The following XYLT1 variants were observed in gnomAD, a reference collection of about 807,000 sequenced individuals.
XYLT1 encodes the protein xylosyltransferase 1.
A neutral mutation model predicts 91.3 loss-of-function variants in XYLT1; 36 were observed. That is an observed-to-expected ratio of 0.39 (90% confidence interval 0.30 to 0.52). The LOEUF is 0.52. Among genes scored for constraint, XYLT1 ranks in the 20% least tolerant of loss-of-function variants. The pLI, the probability that XYLT1 is intolerant of heterozygous loss-of-function variation, is 0.68. For synonymous variants in XYLT1, 588 were observed against 532.0 expected (o/e 1.11, Z -1.45); for missense variants, 1,242 against 1,284.5 (o/e 0.97, Z 0.51).
At chr16:17,429,876 G>A (rs1392592344) in intron 1 of XYLT1, among the ~76,000 whole-genome samples, 1 of 151,736 alleles carries the variant, frequency 6.6e-6, no homozygotes. Context: ...AGCTTGCAGA[G>A]AGTAGCTGCA....
chr16:17,319,707 C>T (rs1364409720), intron 2 of XYLT1, among the ~76,000 whole-genome samples: 1 of 152,164 alleles, frequency 6.6e-6, no homozygotes, highest in Non-Finnish European at 1.5e-5. Flanking sequence ...TCCCAAAGTG[C>T]TGGGATTACA....
intron 2 of XYLT1, among the ~76,000 whole-genome samples, chr16:17,315,081 C>T (rs960125243): frequency 2.0e-5 from 3 of 152,170 alleles, no homozygotes; most frequent in African/African-American, 7.2e-5. Context: ...GGGAGCTATG[C>T]TGGGGATGGC....
chr16:17,270,049 G>A (rs1014956515), intron 2 of XYLT1, among the ~76,000 whole-genome samples: 7 of 152,010 alleles, frequency 4.6e-5, no homozygotes, highest in East Asian at 1.9e-4. Flanking sequence ...TCCTGACCTC[G>A]TGATCCACCT....
At chr16:17,244,608 C>T (rs73523157) in intron 3 of XYLT1, among the ~76,000 whole-genome samples, 5,484 of 152,262 alleles carry the variant, frequency 0.036, 322 homozygotes, top group African/African-American at 0.12. Flanking sequence ...AACTCAGGAT[C>T]CCCAAGAGAA....
chr16:17,197,037 A>ATATATATATATATATATATATATATC (rs2032442509), intron 5 of XYLT1, among the ~76,000 whole-genome samples: 1 of 140,656 alleles, frequency 7.1e-6, no homozygotes. Context: ...ATATAGATAT[A>ATATATATATATATATATATATATATC]TATACCGTTC....
At chr16:17,396,468 TG>T (rs1480201842) in intron 1 of XYLT1, among the ~76,000 whole-genome samples, 1 of 152,316 alleles carries the variant, frequency 6.6e-6, no homozygotes, top group African/African-American at 2.4e-5. Flanking sequence ...ATGAAGGGGT[TG>T]GAACAGCTCC....
rs756210 is a variant in XYLT1 at position 17,118,448 on chromosome 16, T to C, written c.2224-469A>G. Among the ~76,000 whole-genome samples the C allele has an allele frequency of 4.5e-4, 68 of 152,236 alleles. No individual in the cohort carries two copies. In the East Asian group the frequency reaches 0.012, roughly 26 times the overall value. On this transcript the variant is annotated intron_variant, in intron 10 of 11. Coordinates refer to ENST00000261381, the MANE Select transcript of XYLT1 (RefSeq NM_022166.4). ...GTTCTGAACAAGAATAGAGATCATG[T>C]TTTTACAGCTGCTCTATCATAAGCT... is the stretch of plus-strand genomic sequence containing the variant.
At chr16:17,338,222 C>T (rs62030299) in intron 2 of XYLT1, 39,311 of 456,444 alleles carry the variant, frequency 0.086, 1,882 homozygotes, top group Non-Finnish European at 0.11. Flanking sequence ...CCATTCCCCA[C>T]GAAGCAGCCA....
intron 2 of XYLT1, among the ~76,000 whole-genome samples, chr16:17,264,564 T>G (rs16968661): frequency 0.018 from 2,777 of 152,314 alleles, 96 homozygotes; most frequent in Admixed American, 0.1. Flanking sequence ...GTCCTTTCTG[T>G]GGAGACTCAA....
At chr16:17,219,762 C>G (rs746487770) in intron 3 of XYLT1, among the ~76,000 whole-genome samples, 4 of 152,170 alleles carry the variant, frequency 2.6e-5, no homozygotes, top group Non-Finnish European at 5.9e-5. Context: ...TGTGCAGTGG[C>G]TCACGCCTGT....
intron 1 of XYLT1, among the ~76,000 whole-genome samples, chr16:17,410,244 C>T (rs907605188): frequency 2.6e-5 from 4 of 152,130 alleles, no homozygotes; most frequent in Admixed American, 6.6e-5. Context: ...GAGAGAAAAG[C>T]GGGTACATTA....
At chr16:17,317,657 A>G (rs1400352928) in intron 2 of XYLT1, among the ~76,000 whole-genome samples, 1 of 138,732 alleles carries the variant, frequency 7.2e-6, no homozygotes, top group Non-Finnish European at 1.6e-5. Context: ...AAAAAAAAAA[A>G]AGGCATCAGG....
At position 17,245,942 on chromosome 16, in the gene XYLT1, G is replaced by A. The variant is rs573008304; in HGVS notation, c.913+13046C>T. Among the ~76,000 whole-genome samples the A allele has an allele frequency of 3.2e-4, 48 of 152,286 alleles. 1 individual carries two copies. In the South Asian group the frequency reaches 1.0e-2, roughly 32 times the overall value. ...CGTCTTGGATGGGATTGGCGCCCCC[G>A]CCTCCAAAAGCAGGTGAATTATCTG... is the stretch of plus-strand genomic sequence containing the variant. On this transcript the variant is annotated intron_variant, in intron 3 of 11. Coordinates refer to ENST00000261381, the MANE Select transcript of XYLT1 (RefSeq NM_022166.4).
At chr16:17,287,378 C>T (rs1004294493) in intron 2 of XYLT1, among the ~76,000 whole-genome samples, 1 of 152,188 alleles carries the variant, frequency 6.6e-6, no homozygotes, top group Non-Finnish European at 1.5e-5. Flanking sequence ...CTCCTCCCAC[C>T]TCCTGGGGCT....
chr16:17,259,170 C>G lies in XYLT1; in HGVS notation c.731G>C (p.Gly244Ala), dbSNP rs199643996. The change falls in exon 3 of 12, where the codon GGC becomes GCC. Residue 244 changes from glycine to alanine, a missense_variant. Transcript: ENST00000261381. ...SRPPHARKTG[G>A]SSPETKYDQP... Reference sequence around the variant, plus strand: ...GTCATACTTGGTCTCGGGGGAGCTGCCCCCAGTTTTCCTGGCATGAGGCGG... The same window carrying G: ...GTCATACTTGGTCTCGGGGGAGCTGGCCCCAGTTTTCCTGGCATGAGGCGG... 1.6e-5 allele frequency: 25 copies of G among 1,599,302 alleles called. No individual in the cohort carries two copies. The Admixed American group carries it at 3.9e-4, about 25-fold the overall frequency.
chr16:17,338,581 C>G (rs1013404750), intron 2 of XYLT1: 11 of 446,936 alleles, frequency 2.5e-5, no homozygotes, highest in Middle Eastern at 3.3e-4. Flanking sequence ...CGGGAATGGT[C>G]TTTCGTGTCC....
chr16:17,375,481 A>AACACACACACAC (rs71137985), intron 1 of XYLT1, among the ~76,000 whole-genome samples: 12,441 of 147,440 alleles, frequency 0.084, 638 homozygotes, highest in African/African-American at 0.13. Context: ...TAACATTTAA[A>AACACACACACAC]ACACACACAC....
chr16:17,256,985 C>T (rs976548630), intron 3 of XYLT1, among the ~76,000 whole-genome samples: 5 of 152,238 alleles, frequency 3.3e-5, no homozygotes, highest in African/African-American at 1.2e-4. Flanking sequence ...TAGCTCGACT[C>T]TGACATGCCC....
intron 5 of XYLT1, among the ~76,000 whole-genome samples, chr16:17,176,521 C>G (rs2031947857): frequency 6.6e-6 from 1 of 152,240 alleles, no homozygotes; most frequent in African/African-American, 2.4e-5. Flanking sequence ...CAAGTGCACA[C>G]TTTCAACCGC....
Sources: allele counts gnomAD v4.1 joint callset (sites outside exome capture counted in the v4.1 genomes callset), GRCh38; gene constraint gnomAD v4.1.1; transcripts MANE v1.5; gene names NCBI Gene and HGNC (gene_info 2026-07-23, HGNC 2026-07-21).